The following GSAP variants were observed in gnomAD, a reference collection of about 807,000 sequenced individuals.
GSAP encodes the protein gamma-secretase activating protein, also known as gamma-secretase-activating protein.
A neutral mutation model predicts 131.7 loss-of-function variants in GSAP; 118 were observed. The observed-to-expected ratio is 0.90, with a 90% CI of 0.77 to 1.04. The LOEUF (loss-of-function observed/expected upper bound fraction) is 1.04. Ranked by LOEUF, GSAP falls within the 50% of genes least tolerant of loss-of-function variation. The probability of loss-of-function intolerance (pLI) is 0.00; values close to 1 mark genes in which losing one functional copy is unlikely to be tolerated. For synonymous variants in GSAP, 381 were observed against 363.4 expected, an observed-to-expected ratio of 1.05 and a Z score of -0.55; for missense variants, 1,019 against 1,013.2, an observed-to-expected ratio of 1.01 and a Z score of -0.08.
At position 77,314,352 on chromosome 7, in the gene GSAP, A is replaced by G; in HGVS notation, c.2209+18T>C. ...CTCAGGCTGGAACTAGCACTCTGGC[A>G]AACTCAGGGCTTCTTACCTTTCATG... On this transcript the variant is annotated intron_variant, in intron 27 of 30. Coordinates refer to ENST00000257626, the MANE Select transcript of GSAP (RefSeq NM_017439.4). The G allele has an allele frequency of 1.2e-6, 2 of 1,613,052 alleles. No individual in the cohort carries two copies. Among genetic ancestry groups the G allele is most frequent in the East Asian group, 2.2e-5 (1 of 44,862 alleles).
Position 77,316,505 on chromosome 7 carries a change from C to T in GSAP, c.2090-2016G>A, listed in dbSNP as rs1794985149. Among the ~76,000 whole-genome samples, 2 of 151,910 alleles carry T rather than the reference C, an allele frequency of 1.3e-5. 1 individual carries two copies. The highest frequency in any genetic ancestry group is 4.2e-4 in the South Asian group (2 of 4,818). ...GATGAGTCCACTAGCTTCCCTGAGT[C>T]CAAAAAAACTCCACTATTTTACTAG... On this transcript the variant is annotated intron_variant, in intron 26 of 30. Coordinates refer to ENST00000257626, the MANE Select transcript of GSAP (RefSeq NM_017439.4).
chr7:77,410,155 T>C (rs1451856815), intron 1 of GSAP, among the ~76,000 whole-genome samples: 1 of 152,164 alleles, frequency 6.6e-6, no homozygotes, highest in African/African-American at 2.4e-5. Flanking sequence ...ATAACCATGG[T>C]AGACAGAGAG....
intron 3 of GSAP, among the ~76,000 whole-genome samples, chr7:77,403,924 G>A (rs1003340714): frequency 6.6e-6 from 1 of 152,144 alleles, no homozygotes; most frequent in African/African-American, 2.4e-5. Context: ...CCCACTCCTA[G>A]ATACACACAC....
intron 26 of GSAP, chr7:77,316,062 A>T (rs1008574976): frequency 6.6e-6 from 1 of 152,234 alleles, no homozygotes; most frequent in Non-Finnish European, 1.5e-5. Context: ...GGAGGTAATG[A>T]AAGTTTTTAA....
At chr7:77,325,829 C>G (rs1157566963) in intron 23 of GSAP, among the ~76,000 whole-genome samples, 1 of 152,168 alleles carries the variant, frequency 6.6e-6, no homozygotes, top group African/African-American at 2.4e-5. Flanking sequence ...CCTTGGCCTC[C>G]CAAAGTGCTG....
chr7:77,382,577 T>C lies in GSAP; in HGVS notation c.523A>G (p.Lys175Glu). 1 of 1,506,758 alleles carries C rather than the reference T, an allele frequency of 6.6e-7. No individual in the cohort carries two copies. The highest frequency in any genetic ancestry group is 9.2e-7 in the Non-Finnish European group (1 of 1,082,474). 93.3% of individuals were successfully genotyped at this position (1,506,758 alleles called of 1,614,324 possible). Residue 175 changes from lysine (K) to glutamate (E), a missense_variant, in exon 7 of 31, where the codon AAA becomes GAA. By Grantham distance (56) the Lys-to-Glu change is moderately conservative (BLOSUM62 1). Transcript: ENST00000257626. ...ENHLLLISEE[K>E]YIEQFRIHVA... Reference sequence around the variant, plus strand: ...TTCCACCTAAAGATACACTTACATTTCTCTTCTGAAATCAGTAACAGATGG... The same window carrying C: ...TTCCACCTAAAGATACACTTACATTCCTCTTCTGAAATCAGTAACAGATGG...
At chr7:77,345,042 G>C (rs1791586430) in intron 19 of GSAP, among the ~76,000 whole-genome samples, 1 of 152,186 alleles carries the variant, frequency 6.6e-6, no homozygotes, top group Non-Finnish European at 1.5e-5. Context: ...CTAAAGGATA[G>C]AGCCTAAACT....
At position 77,366,423 on chromosome 7, in the gene GSAP, G is replaced by A. The variant is rs192293151; in HGVS notation, c.872-3763C>T. Among the ~76,000 whole-genome samples the A allele has an allele frequency of 7.9e-5, 12 of 152,272 alleles. No homozygotes were observed. In the East Asian group the frequency reaches 2.1e-3, roughly 27 times the overall value. ...GAGTTGATTTTTGTCTATGTTGTAA[G>A]GAAGGGTTCCAGTTTCAATTTCTAT... On this transcript the variant is annotated intron_variant, in intron 12 of 30. Coordinates refer to ENST00000257626, the MANE Select transcript of GSAP (RefSeq NM_017439.4).
chr7:77,321,780 A>T (rs1268078987), intron 24 of GSAP, among the ~76,000 whole-genome samples: 3 of 152,180 alleles, frequency 2.0e-5, no homozygotes, highest in Admixed American at 2.0e-4. Flanking sequence ...AAGAAAAGAG[A>T]CACAGAATGG....
At chr7:77,360,946 T>G (rs760833171) in intron 13 of GSAP, 45 bp from the exon 14 acceptor site, 4 of 1,108,844 alleles carry the variant, frequency 3.6e-6, no homozygotes, top group Non-Finnish European at 5.6e-6. Context: ...AACAAAGAAC[T>G]GGAACTCCAC....
At chr7:77,416,470 C>T, upstream of GSAP, 2 of 443,050 alleles carry the variant, frequency 4.5e-6, no homozygotes, top group East Asian at 3.6e-5. Context: ...GCGCCCTGGC[C>T]TGAGAAGCTC....
At chr7:77,387,810 A>G (rs554199278) in intron 5 of GSAP, among the ~76,000 whole-genome samples, 2 of 152,342 alleles carry the variant, frequency 1.3e-5, no homozygotes, top group African/African-American at 4.8e-5. Flanking sequence ...AAACAACAGT[A>G]GATACAAGGG....
At chr7:77,321,291 ACT>A (rs773883938) in intron 25 of GSAP, 40 bp downstream of exon 25, 2 of 1,263,512 alleles carry the variant, frequency 1.6e-6, no homozygotes, top group African/African-American at 2.9e-5. Flanking sequence ...AGTTGTTTCC[ACT>A]CTTTGTACAC....
intron 13 of GSAP, among the ~76,000 whole-genome samples, chr7:77,362,000 AAC>A (rs1357311197): frequency 6.6e-6 from 1 of 152,196 alleles, no homozygotes; most frequent in Non-Finnish European, 1.5e-5. Flanking sequence ...AAAGCAAATA[AAC>A]ACACTTTGGA....
chr7:77,330,070 A>T, intron 20 of GSAP, 169 bp downstream of exon 20: 1 of 693,216 alleles, frequency 1.4e-6, no homozygotes, highest in Non-Finnish European at 2.2e-6. Flanking sequence ...AGGAGAACAG[A>T]GATCATAGAA....
chr7:77,406,022 G>A lies in GSAP; in HGVS notation c.186+7C>T, dbSNP rs1000576651. The A allele has an allele frequency of 1.4e-5, 13 of 901,544 alleles. No individual in the cohort carries two copies. The highest frequency in any genetic ancestry group is 1.8e-5 in the African/African-American group (1 of 54,888). 55.8% of individuals were successfully genotyped at this position (901,544 alleles called of 1,614,324 possible). A position where few individuals can be genotyped will look rare whatever the true frequency, so the allele number is the denominator to read the frequency against. On this transcript the variant is annotated splice_region_variant and intron_variant, in intron 2 of 30. Transcript: ENST00000257626. ...TCTTACCACAATAAAAAAGAATATAGACATACCTTATAGGTATAAATAATA... is the reference window on the plus strand; with the variant it reads ...TCTTACCACAATAAAAAAGAATATAAACATACCTTATAGGTATAAATAATA...
Position 77,311,123 on chromosome 7 carries a change from C to A in GSAP, c.*235G>T, listed in dbSNP as rs1031008157. The A allele has an allele frequency of 2.3e-6, 1 of 438,954 alleles. No homozygotes were observed. The allele number at this position is 438,954 out of a possible 1,614,324, so 27.2% of individuals were successfully genotyped here. On this transcript the variant is annotated 3_prime_UTR_variant, in exon 31 of 31. Transcript: ENST00000257626. ...AGAGCATCGTTTATGCCACTGTATG[C>A]CTTCTTAGGCCATTTATCATTTCTC...
intron 26 of GSAP, among the ~76,000 whole-genome samples, chr7:77,316,926 C>T (rs1357318318): frequency 5.9e-5 from 9 of 152,192 alleles, no homozygotes; most frequent in Non-Finnish European, 5.9e-5. Flanking sequence ...CCCTGACTTC[C>T]TTTTTGTGTT....
At chr7:77,411,023 G>C (rs989828189) in intron 1 of GSAP, among the ~76,000 whole-genome samples, 2 of 146,348 alleles carry the variant, frequency 1.4e-5, no homozygotes, top group Non-Finnish European at 3.0e-5. Flanking sequence ...AGAGAGAGAT[G>C]AGAATTAGAA....
Sources: gnomAD v4.1 joint callset for allele counts (sites outside exome capture counted in the v4.1 genomes callset) on GRCh38, gnomAD v4.1.1 for gene constraint, MANE v1.5 for transcripts, NCBI Gene and HGNC (gene_info 2026-07-23, HGNC 2026-07-21) for gene names.